Variants in ADAMTSL1 observed in about 807,000 individuals in gnomAD.
ADAMTSL1 encodes ADAMTS like 1, also known as ADAMTS-like protein 1.
In ADAMTSL1, 126 loss-of-function variants were observed where a neutral mutation model predicts 201.8. The ratio of observed to expected loss-of-function variants is 0.62; its 90% CI spans 0.54 to 0.72. The LOEUF is 0.72. Ranked by LOEUF, ADAMTSL1 falls within the 30% of genes least tolerant of loss-of-function variation. The pLI, the probability that ADAMTSL1 is intolerant of heterozygous loss-of-function variation, is 0.00. For missense variants in ADAMTSL1, 2,679 were observed against 2,277.8 expected (o/e 1.18, Z -3.59); for synonymous variants, 1,121 against 903.4 (o/e 1.24, Z -4.32).
At chr9:18,757,194 A>G (rs985761949) in intron 16 of ADAMTSL1, among the ~76,000 whole-genome samples, 1 of 152,188 alleles carries the variant, frequency 6.6e-6, no homozygotes, top group African/African-American at 2.4e-5. Context: ...ATTTATTAAT[A>G]GCTTTAATAT....
intron 1 of ADAMTSL1, among the ~76,000 whole-genome samples, chr9:18,101,731 T>C (rs1418208494): frequency 1.3e-5 from 2 of 152,096 alleles, no homozygotes; most frequent in Admixed American, 1.3e-4. Flanking sequence ...GCAGGTAGGA[T>C]TGAATAAATG....
At chr9:18,227,738 C>A (rs60485874) in intron 2 of ADAMTSL1, among the ~76,000 whole-genome samples, 17,055 of 152,162 alleles carry the variant, frequency 0.11, 1,253 homozygotes, top group African/African-American at 0.21. Flanking sequence ...CCCCCAGTAG[C>A]CTGATCACTA....
intron 7 of ADAMTSL1, among the ~76,000 whole-genome samples, chr9:18,653,190 C>T (rs1828404109): frequency 6.6e-6 from 1 of 152,176 alleles, no homozygotes; most frequent in African/African-American, 2.4e-5. Flanking sequence ...ACTGGTTCCT[C>T]ATCTTTCTTT....
chr9:18,374,016 C>A (rs779643772), intron 2 of ADAMTSL1, among the ~76,000 whole-genome samples: 12 of 152,202 alleles, frequency 7.9e-5, no homozygotes, highest in Non-Finnish European at 1.5e-4. Flanking sequence ...GAGCTTTCTG[C>A]TACACCTCAG....
chr9:17,986,238 A>T (rs993948972), intron 1 of ADAMTSL1, among the ~76,000 whole-genome samples: 5 of 152,012 alleles, frequency 3.3e-5, no homozygotes, highest in African/African-American at 1.2e-4. Flanking sequence ...ACTTAAGGTA[A>T]ATTGATTGAG....
At chr9:17,971,526 A>G (rs1180537856) in intron 1 of ADAMTSL1, among the ~76,000 whole-genome samples, 1 of 150,984 alleles carries the variant, frequency 6.6e-6, no homozygotes, top group African/African-American at 2.4e-5. Context: ...TAAACGTTTC[A>G]CAGAGAGAAC....
intron 2 of ADAMTSL1, among the ~76,000 whole-genome samples, chr9:18,526,751 T>TA (rs1256305039): frequency 6.6e-6 from 1 of 152,172 alleles, no homozygotes; most frequent in Admixed American, 6.5e-5. Flanking sequence ...CCTCCTGCAG[T>TA]ATAGCTCCAG....
intron 1 of ADAMTSL1, among the ~76,000 whole-genome samples, chr9:18,050,254 C>G (rs188004631): frequency 5.9e-5 from 9 of 152,132 alleles, no homozygotes; most frequent in African/African-American, 2.2e-4. Flanking sequence ...TTTGATATAA[C>G]AAATTCTTTA....
At chr9:18,241,265 A>G (rs1053072320) in intron 2 of ADAMTSL1, among the ~76,000 whole-genome samples, 2 of 152,204 alleles carry the variant, frequency 1.3e-5, no homozygotes, top group African/African-American at 4.8e-5. Flanking sequence ...GAACACTTAG[A>G]AGCCATTATA....
intron 19 of ADAMTSL1, among the ~76,000 whole-genome samples, chr9:18,795,013 T>C (rs1258579729): frequency 6.6e-6 from 1 of 152,202 alleles, no homozygotes; most frequent in Non-Finnish European, 1.5e-5. Context: ...TTCTCTTTTG[T>C]AACTTTGCTT....
chr9:18,446,685 T>C (rs1359190377), intron 2 of ADAMTSL1, among the ~76,000 whole-genome samples: 1 of 152,352 alleles, frequency 6.6e-6, no homozygotes, highest in South Asian at 2.1e-4. Context: ...GCCTTTGACG[T>C]AGATCTTCAT....
intron 19 of ADAMTSL1, among the ~76,000 whole-genome samples, chr9:18,778,556 T>C (rs1020132232): frequency 2.0e-5 from 3 of 152,342 alleles, no homozygotes; most frequent in South Asian, 4.1e-4. Context: ...GAATCAATAG[T>C]GGTAGTAGAA....
intron 2 of ADAMTSL1, among the ~76,000 whole-genome samples, chr9:18,251,321 T>C (rs896175984): frequency 6.6e-6 from 1 of 152,196 alleles, no homozygotes; most frequent in South Asian, 2.1e-4. Context: ...TATAAAATAG[T>C]TTTCTGAAGA....
intron 2 of ADAMTSL1, among the ~76,000 whole-genome samples, chr9:18,375,922 C>T (rs1004532291): frequency 6.6e-6 from 1 of 152,076 alleles, no homozygotes; most frequent in African/African-American, 2.4e-5. Context: ...TGTGTTTTTA[C>T]AGAGCACTGA....
At chr9:18,708,183 T>C (rs1208341530) in intron 14 of ADAMTSL1, among the ~76,000 whole-genome samples, 1 of 152,222 alleles carries the variant, frequency 6.6e-6, no homozygotes, top group East Asian at 1.9e-4. Context: ...AAAAGGCATC[T>C]TTTGTCATGA....
Position 18,908,174 on chromosome 9 carries a change from G to A in ADAMTSL1, c.5183-268G>A. ...CAGGCACCTTCAGGAAGTAGAGGGA[G>A]CTGCAGAAAACAAGCAGACAGCCCA... is the stretch of plus-strand genomic sequence containing the variant. On this transcript the variant is annotated intron_variant, in intron 28 of 28. Coordinates refer to ENST00000380548, the MANE Select transcript of ADAMTSL1 (RefSeq NM_001040272.6). The A allele has an allele frequency of 6.2e-6, 3 of 485,540 alleles. No homozygotes were observed. In the East Asian group the frequency reaches 1.2e-4, roughly 20 times the overall value. The allele number at this position is 485,540 out of a possible 1,614,324, so 30.1% of individuals were successfully genotyped here.
intron 2 of ADAMTSL1, among the ~76,000 whole-genome samples, chr9:18,440,709 G>C (rs1024502375): frequency 6.6e-6 from 1 of 151,672 alleles, no homozygotes; most frequent in African/African-American, 2.4e-5. Flanking sequence ...TCATTTTGAA[G>C]AGATGGTCAT....
intron 9 of ADAMTSL1, among the ~76,000 whole-genome samples, chr9:18,672,996 A>C (rs1829920144): frequency 6.6e-6 from 1 of 152,168 alleles, no homozygotes; most frequent in Non-Finnish European, 1.5e-5. Context: ...GGTCAGCATA[A>C]TGAAGGCACT....
intron 1 of ADAMTSL1, among the ~76,000 whole-genome samples, chr9:17,970,275 A>G (rs1291879226): frequency 6.6e-6 from 1 of 151,978 alleles, no homozygotes; most frequent in Non-Finnish European, 1.5e-5. Flanking sequence ...TTTTATCAAC[A>G]AGTCCTCAAA....
Sources: allele counts gnomAD v4.1 joint callset (sites outside exome capture counted in the v4.1 genomes callset), GRCh38; gene constraint gnomAD v4.1.1; transcripts MANE v1.5; gene names NCBI Gene and HGNC (gene_info 2026-07-23, HGNC 2026-07-21).